Variants in HIPK2 observed in about 807,000 individuals in gnomAD.
HIPK2 encodes homeodomain-interacting protein kinase 2.
Under a neutral mutation model 113.7 loss-of-function variants are expected in HIPK2, and 27 were observed. That is an observed-to-expected ratio of 0.24 (90% CI 0.17 to 0.33). HIPK2 has a LOEUF of 0.33. HIPK2 is among the 10% of genes least tolerant of loss of function. The pLI, the probability that HIPK2 is intolerant of heterozygous loss-of-function variation, is 1.00. For missense variants in HIPK2, 1,257 were observed against 1,588.0 expected, an observed-to-expected ratio of 0.79 and a Z score of 3.54; for synonymous variants, 631 against 642.2, an observed-to-expected ratio of 0.98 and a Z score of 0.26.
At chr7:139,626,461 G>T in intron 6 of HIPK2, 140 bp downstream of exon 6, 1 of 798,984 alleles carries the variant, frequency 1.3e-6, no homozygotes, top group Non-Finnish European at 2.0e-6. Flanking sequence ...TTTATGTATT[G>T]CATCTGTGGC....
chr7:139,626,567 A>G (rs755594996), intron 6 of HIPK2, 34 bp downstream of exon 6: 8 of 1,595,534 alleles, frequency 5.0e-6, no homozygotes, highest in Non-Finnish European at 6.8e-6. Context: ...AAGTTTGCCG[A>G]TCCCTGGTAC....
Position 139,714,635 on chromosome 7 carries a change from T to C in HIPK2, c.1103+1297A>G, listed in dbSNP as rs1018124954. The stretch of plus-strand genomic sequence containing the variant: ...GAGAAAGCACACGGGCAAGCGAGCG[T>C]GCTTGCTTGCAAGCAGGATGGCCTC... On this transcript the variant is annotated intron_variant, in intron 2 of 14. Transcript: ENST00000406875. This position sits in a 1 kb window ranked among gnomAD's most constrained non-coding sequence, Gnocchi z 4.2. Among the ~76,000 whole-genome samples the C allele has an allele frequency of 2.6e-5, 4 of 152,214 alleles. No homozygotes were observed. Among genetic ancestry groups the C allele is most frequent in the African/African-American group, 9.6e-5 (4 of 41,452 alleles).
At chr7:139,744,564 G>A (rs752664436) in intron 1 of HIPK2, among the ~76,000 whole-genome samples, 16 of 152,138 alleles carry the variant, frequency 1.1e-4, no homozygotes, top group African/African-American at 2.4e-4. Context: ...TGAACTTTCC[G>A]GTATGTGAGT....
chr7:139,757,278 G>A (rs988817452), intron 1 of HIPK2, among the ~76,000 whole-genome samples: 1 of 152,090 alleles, frequency 6.6e-6, no homozygotes, highest in Non-Finnish European at 1.5e-5. Context: ...TTTCACCTAG[G>A]AAAAGATAAA....
intron 2 of HIPK2, among the ~76,000 whole-genome samples, chr7:139,634,506 G>A (rs192541242): frequency 3.8e-4 from 58 of 152,038 alleles, no homozygotes; most frequent in African/African-American, 1.4e-3. Flanking sequence ...ACCTGCCTAG[G>A]CCACCTGTGT....
chr7:139,754,622 C>T (rs1185470806), intron 1 of HIPK2, among the ~76,000 whole-genome samples: 1 of 152,180 alleles, frequency 6.6e-6, no homozygotes, highest in Non-Finnish European at 1.5e-5. Flanking sequence ...TTAAAATTTT[C>T]TAAAAATTAA....
chr7:139,614,340 C>A lies in HIPK2; in HGVS notation c.1936G>T (p.Ala646Ser). The A allele has an allele frequency of 6.3e-7, 1 of 1,575,396 alleles. No individual in the cohort carries two copies. The change falls in exon 8 of 15, where the codon GCC (alanine) becomes TCC (serine). Residue 646 changes from alanine to serine, a missense_variant. This residue lies in a region of HIPK2 where 862 missense variants were observed against 1,004.3 expected (regional missense o/e 0.86). Coordinates refer to ENST00000406875, the MANE Select transcript of HIPK2 (RefSeq NM_022740.5). The stretch of plus-strand genomic sequence containing the variant: ...GCTTGCTGGAACGGGTCAGGCCGGG[C>A]ACAAATCTGGGCTGTTCCTGTCTGC... ...PLQTGTAQIC[A>S]RPDPFQQALI...
chr7:139,686,140 C>T (rs1456611660), intron 2 of HIPK2, among the ~76,000 whole-genome samples: 1 of 152,064 alleles, frequency 6.6e-6, no homozygotes, highest in Non-Finnish European at 1.5e-5. Flanking sequence ...GAGGTTGATT[C>T]CAACCTACAT....
intron 2 of HIPK2, among the ~76,000 whole-genome samples, chr7:139,695,394 T>A (rs932481947): frequency 2.9e-4 from 44 of 152,256 alleles, no homozygotes; most frequent in African/African-American, 1.1e-3. Context: ...TTAGACAGCC[T>A]TGGGGGCTCG....
At chr7:139,664,837 TA>T (rs1801991463) in intron 2 of HIPK2, among the ~76,000 whole-genome samples, 1 of 152,210 alleles carries the variant, frequency 6.6e-6, no homozygotes, top group Non-Finnish European at 1.5e-5. Flanking sequence ...TAATCTCTGC[TA>T]CTAACTGCTC....
In HIPK2 at chr7:139,613,387, GAACCTTC is replaced by G; in HGVS notation, c.1991-71_1991-65del. The G allele has an allele frequency of 6.3e-7, 1 of 1,582,616 alleles. No homozygotes were observed. The highest frequency in any genetic ancestry group is 8.6e-7 in the Non-Finnish European group (1 of 1,163,518). ...GACGCTGTGAACAGCTGGATGAAAAGAACCTTCCTGGGCAGTTATGTCAACTTTCTGC... is the reference window on the plus strand; with the variant it reads ...GACGCTGTGAACAGCTGGATGAAAAGCTGGGCAGTTATGTCAACTTTCTGC... On this transcript the variant is annotated intron_variant, in intron 8 of 14. Transcript: ENST00000406875. This position sits in a 1 kb window ranked among gnomAD's most constrained non-coding sequence, Gnocchi z 4.2.
chr7:139,680,577 G>C (rs1291243473), intron 2 of HIPK2, among the ~76,000 whole-genome samples: 1 of 152,248 alleles, frequency 6.6e-6, no homozygotes, highest in Non-Finnish European at 1.5e-5. Flanking sequence ...CAGGAACAAA[G>C]TAACCAGGGA....
chr7:139,717,737 T>C (rs890531776), intron 1 of HIPK2, among the ~76,000 whole-genome samples: 3 of 149,392 alleles, frequency 2.0e-5, no homozygotes, highest in Non-Finnish European at 4.4e-5. Flanking sequence ...TTGTTTTTTT[T>C]TGTTTGTTTG....
At chr7:139,665,936 ATAAGGAGGT>A (rs1268392000) in intron 2 of HIPK2, among the ~76,000 whole-genome samples, 1 of 150,496 alleles carries the variant, frequency 6.6e-6, no homozygotes, top group African/African-American at 2.4e-5. Context: ...TTTCAAGTCA[ATAAGGAGGT>A]CTGCCTTTTT....
At chr7:139,573,505 A>G in intron 14 of HIPK2, 108 bp from the exon 15 acceptor site, 3 of 984,762 alleles carry the variant, frequency 3.0e-6, no homozygotes, top group Non-Finnish European at 3.0e-6. Flanking sequence ...GAAAGACTCC[A>G]GAAGTAATAG....
rs1344018802 is a variant in HIPK2 at position 139,777,932 on chromosome 7, C to G, written c.-309G>C. 7.0e-6 allele frequency among the ~76,000 whole-genome samples: 1 copy of G among 142,024 alleles called. No homozygotes were observed. Among genetic ancestry groups the G allele is most frequent in the Admixed American group, 6.9e-5 (1 of 14,488 alleles). 93.2% of individuals were successfully genotyped at this position (142,024 alleles called of 152,430 possible). On this transcript the variant is annotated 5_prime_UTR_variant, in exon 1 of 15. Transcript: ENST00000406875. The stretch of plus-strand genomic sequence containing the variant: ...GCGCCGAGCGGCCGCGGCCCCCGAG[C>G]GGATCCGCGGAGGGGCGGGAGCCGG...
At chr7:139,606,708 A>G (rs1799628981) in intron 9 of HIPK2, among the ~76,000 whole-genome samples, 1 of 152,202 alleles carries the variant, frequency 6.6e-6, no homozygotes, top group African/African-American at 2.4e-5. Context: ...AAATAACTAC[A>G]GATATGACAT....
chr7:139,728,356 C>A (rs188097213), intron 1 of HIPK2, among the ~76,000 whole-genome samples: 2 of 152,306 alleles, frequency 1.3e-5, no homozygotes, highest in Non-Finnish European at 2.9e-5. Context: ...AAACAGCAGA[C>A]GCTGTCTCAC....
intron 6 of HIPK2, 54 bp downstream of exon 6, chr7:139,626,547 T>C: frequency 1.3e-6 from 2 of 1,560,022 alleles, no homozygotes; most frequent in Non-Finnish European, 1.7e-6. Context: ...ATTTAGTGTC[T>C]GGGCCTTTAA....
Sources: gnomAD v4.1 joint callset for allele counts (sites outside exome capture counted in the v4.1 genomes callset) on GRCh38, gnomAD v4.1.1 for gene constraint, gnomAD v4.1.1 regional missense constraint, Gnocchi (gnomAD v3.1) non-coding constraint, MANE v1.5 for transcripts, NCBI Gene and HGNC (gene_info 2026-07-23, HGNC 2026-07-21) for gene names.